Variants in ANKRD22 observed in about 807,000 individuals in gnomAD.
The protein encoded by ANKRD22 is ankyrin repeat domain-containing protein 22.
Under a neutral mutation model 25.7 loss-of-function variants are expected in ANKRD22, and 24 were observed. That is an observed-to-expected ratio of 0.93 (90% CI 0.68 to 1.31). The LOEUF (loss-of-function observed/expected upper bound fraction) is 1.31. Among genes scored for constraint, ANKRD22 ranks in the 50% most tolerant of loss-of-function variants. The probability of loss-of-function intolerance (pLI) is 0.00; values close to 1 mark genes in which losing one functional copy is unlikely to be tolerated. For synonymous variants in ANKRD22, 84 were observed against 84.3 expected (o/e 1.00, Z 0.02); for missense variants, 214 against 227.1 (o/e 0.94, Z 0.37).
chr10:88,843,648 T>C (rs1400689132), intron 1 of ANKRD22, among the ~76,000 whole-genome samples: 1 of 152,190 alleles, frequency 6.6e-6, no homozygotes. Context: ...AAAGTCCAAT[T>C]AAAATAAATT....
intron 1 of ANKRD22, 114 bp from the exon 2 acceptor site, chr10:88,832,140 A>C (rs1344896988): frequency 7.8e-6 from 9 of 1,149,452 alleles, no homozygotes; most frequent in Non-Finnish European, 1.1e-5. Flanking sequence ...AAATTGTAAT[A>C]TATTGCTTTG....
At chr10:88,840,108 C>T (rs1218979060) in intron 1 of ANKRD22, among the ~76,000 whole-genome samples, 9 of 152,110 alleles carry the variant, frequency 5.9e-5, no homozygotes, top group African/African-American at 1.2e-4. Flanking sequence ...AATAATGGAA[C>T]ATTAGGAAAA....
At chr10:88,842,024 C>T (rs762458371) in intron 1 of ANKRD22, among the ~76,000 whole-genome samples, 5 of 152,118 alleles carry the variant, frequency 3.3e-5, no homozygotes, top group African/African-American at 4.8e-5. Context: ...TTATTCTTAA[C>T]GTAGAAGACA....
chr10:88,820,224 T>C lies in ANKRD22; in HGVS notation c.*2717A>G. ...TACCTAGAGTTAAGAACTATTCCTT[T>C]TCTCTAGCCAACTCCTGTAAGGTAC... On this transcript the variant is annotated 3_prime_UTR_variant, in exon 6 of 6. Transcript: ENST00000371930. 1 of 1,544,694 alleles carries C rather than the reference T, an allele frequency of 6.5e-7. No individual in the cohort carries two copies. The highest frequency in any genetic ancestry group is 8.7e-7 in the Non-Finnish European group (1 of 1,144,230).
Position 88,823,060 on chromosome 10 carries a change from C to T in ANKRD22, c.499-42G>A, listed in dbSNP as rs1009003392. ...ATACAGTTATTTCCAATAGAGTGCC[C>T]AAGATCTCGTACGTAGCTTAGACCA... On this transcript the variant is annotated intron_variant, in intron 5 of 5. Transcript: ENST00000371930. 3.2e-6 allele frequency: 5 copies of T among 1,577,480 alleles called. No homozygotes were observed. The African/African-American group carries it at 5.4e-5, about 17-fold the overall frequency.
chr10:88,820,636 A>G lies in ANKRD22; in HGVS notation c.*2305T>C, dbSNP rs1441885666. 1 of 813,316 alleles carries G rather than the reference A, an allele frequency of 1.2e-6. No individual in the cohort carries two copies. The highest frequency in any genetic ancestry group is 1.9e-6 in the Non-Finnish European group (1 of 536,002). The allele number at this position is 813,316 out of a possible 1,614,324, so 50.4% of individuals were successfully genotyped here. A position where few individuals can be genotyped will look rare whatever the true frequency, so the allele number is the denominator to read the frequency against. ...GCACTTGGCACTAAATCCGACACTT[A>G]CATTTACATTTTTTTTCTGTAAATT... On this transcript the variant is annotated 3_prime_UTR_variant, in exon 6 of 6. Coordinates refer to ENST00000371930, the MANE Select transcript of ANKRD22 (RefSeq NM_144590.3).
rs1448286051 is a variant in ANKRD22, at chr10:88,851,567, C to T, written c.21+20G>A. ...AACTTTTAACATCTTTGGAACTCTG[C>T]TTTCAGAAAGGTGATGTACCTCAGA... On this transcript the variant is annotated intron_variant, in intron 1 of 5. Coordinates refer to ENST00000371930, the MANE Select transcript of ANKRD22 (RefSeq NM_144590.3). 12 of 1,612,824 alleles carry T rather than the reference C, an allele frequency of 7.4e-6. No individual in the cohort carries two copies. Among genetic ancestry groups the T allele is most frequent in the Non-Finnish European group, 1.0e-5 (12 of 1,179,246 alleles).
chr10:88,847,733 CAGAGT>C (rs1319021213), intron 1 of ANKRD22, among the ~76,000 whole-genome samples: 1 of 151,428 alleles, frequency 6.6e-6, no homozygotes, highest in Non-Finnish European at 1.5e-5. Flanking sequence ...ATTTACATCA[CAGAGT>C]AGAGAAAAAG....
rs1843781069 is a variant in ANKRD22, at chr10:88,820,576, G to C, written c.*2365C>G. 1 of 1,375,134 alleles carries C rather than the reference G, an allele frequency of 7.3e-7. No individual in the cohort carries two copies. Among genetic ancestry groups the C allele is most frequent in the South Asian group, 1.4e-5 (1 of 69,900 alleles). The allele number at this position is 1,375,134 out of a possible 1,614,324, so 85.2% of individuals were successfully genotyped here. A position where few individuals can be genotyped will look rare whatever the true frequency, so the allele number is the denominator to read the frequency against. On this transcript the variant is annotated 3_prime_UTR_variant, in exon 6 of 6. Coordinates refer to ENST00000371930, the MANE Select transcript of ANKRD22 (RefSeq NM_144590.3). ...GGACCCATGAAGGCAGAATTACGGAGAGCAGAGACCTAGTATACATTTTTC... is the reference window on the plus strand; with the variant it reads ...GGACCCATGAAGGCAGAATTACGGACAGCAGAGACCTAGTATACATTTTTC...
chr10:88,851,303 T>C (rs1191240350), intron 1 of ANKRD22, among the ~76,000 whole-genome samples: 2 of 152,206 alleles, frequency 1.3e-5, no homozygotes, highest in Admixed American at 6.6e-5. Context: ...AAACTCGATT[T>C]TGTCCAAATT....
chr10:88,830,792 A>C (rs1843896467), intron 2 of ANKRD22, among the ~76,000 whole-genome samples: 1 of 152,142 alleles, frequency 6.6e-6, no homozygotes, highest in South Asian at 2.1e-4. Context: ...GCACCTCTTA[A>C]AAGAGCGCAG....
intron 1 of ANKRD22, among the ~76,000 whole-genome samples, chr10:88,833,692 C>A (rs932265591): frequency 3.9e-5 from 6 of 152,156 alleles, no homozygotes. Context: ...CAATTAAAGG[C>A]AAACTTCTGT....
chr10:88,851,844 T>C lies in ANKRD22; in HGVS notation c.-237A>G. 1.8e-6 allele frequency: 1 copy of C among 545,716 alleles called. No homozygotes were observed. The highest frequency in any genetic ancestry group is 3.0e-5 in the Admixed American group (1 of 33,210). 33.8% of individuals were successfully genotyped at this position (545,716 alleles called of 1,614,324 possible). On this transcript the variant is annotated 5_prime_UTR_variant, in exon 1 of 6. Coordinates refer to ENST00000371930, the MANE Select transcript of ANKRD22 (RefSeq NM_144590.3). Reference sequence around the variant, plus strand: ...GAAACAAAGGCACTGGTGTCATGTGTAACGACCCAAGCCTGTATCATCTAA... The same window carrying C: ...GAAACAAAGGCACTGGTGTCATGTGCAACGACCCAAGCCTGTATCATCTAA...
Position 88,820,255 on chromosome 10 carries a change from C to T in ANKRD22, c.*2686G>A, listed in dbSNP as rs12255753. On this transcript the variant is annotated 3_prime_UTR_variant, in exon 6 of 6. Transcript: ENST00000371930. ...AGCCAACTCCTGTAAGGTACAGAGT[C>T]AGAGATATGACGGTCCCTACAGCAA... 9,227 of 1,551,462 alleles carry T rather than the reference C, an allele frequency of 5.9e-3. 465 individuals are homozygous for T. In the African/African-American group the frequency reaches 0.11, roughly 18 times the overall value.
intron 2 of ANKRD22, 57 bp from the exon 3 acceptor site, chr10:88,828,723 C>A: frequency 7.7e-7 from 1 of 1,299,698 alleles, no homozygotes. Context: ...AAAATTTATT[C>A]AGATGGCCAT....
rs1197628212 is a variant in ANKRD22 at position 88,838,667 on chromosome 10, C to T, written c.22-6641G>A. Among the ~76,000 whole-genome samples, 3 of 152,168 alleles carry T rather than the reference C, an allele frequency of 2.0e-5. No homozygotes were observed. In the East Asian group the frequency reaches 5.8e-4, roughly 29 times the overall value. ...CCCGGGGGACAGAAAGAAAGGGGAA[C>T]TTGTGTTCCAGGGAGGTGGAAGTGG... On this transcript the variant is annotated intron_variant, in intron 1 of 5. Coordinates refer to ENST00000371930, the MANE Select transcript of ANKRD22 (RefSeq NM_144590.3).
At chr10:88,842,535 T>TG (rs1844011946) in intron 1 of ANKRD22, among the ~76,000 whole-genome samples, 2 of 152,156 alleles carry the variant, frequency 1.3e-5, no homozygotes, top group African/African-American at 4.8e-5. Context: ...GAGATCTCAA[T>TG]ACTTTCCAAG....
intron 4 of ANKRD22, among the ~76,000 whole-genome samples, chr10:88,825,001 T>TCACACACACACACA (rs1450132434): frequency 2.5e-5 from 2 of 81,318 alleles, no homozygotes; most frequent in East Asian, 7.2e-4. Context: ...TCTCTCTCTC[T>TCACACACACACACA]CTCTCTCTCT....
chr10:88,835,242 A>G (rs1041454366), intron 1 of ANKRD22, among the ~76,000 whole-genome samples: 4 of 152,192 alleles, frequency 2.6e-5, no homozygotes, highest in African/African-American at 9.7e-5. Context: ...TCTCAACCCC[A>G]TTTGAGCAAT....
Sources: allele counts gnomAD v4.1 joint callset (sites outside exome capture counted in the v4.1 genomes callset), GRCh38; gene constraint gnomAD v4.1.1; transcripts MANE v1.5; gene names NCBI Gene and HGNC (gene_info 2026-07-23, HGNC 2026-07-21).